NAMPT: variants seen among roughly 807,000 people sequenced by gnomAD.
NAMPT encodes the protein nicotinamide phosphoribosyltransferase, also known as NAmPRTase.
Under a neutral mutation model 58.7 loss-of-function variants are expected in NAMPT, and 7 were observed. The ratio of observed to expected loss-of-function variants is 0.12; its 90% CI spans 0.07 to 0.22. The LOEUF (loss-of-function observed/expected upper bound fraction) is 0.22. Ranked by LOEUF, NAMPT falls within the 10% of genes least tolerant of loss-of-function variation. The pLI is 1.00. For missense variants in NAMPT, 271 were observed against 567.9 expected (o/e 0.48, Z 5.31); for synonymous variants, 145 against 198.1 (o/e 0.73, Z 2.25).
chr7:106,254,572 AG>A, intron 8 of NAMPT, 68 bp from the exon 9 acceptor site: 1 of 1,516,500 alleles, frequency 6.6e-7, no homozygotes. Context: ...ATTATTTTCA[AG>A]GGACAATATT....
At chr7:106,258,628 G>A (rs1037009455) in intron 8 of NAMPT, among the ~76,000 whole-genome samples, 2 of 152,154 alleles carry the variant, frequency 1.3e-5, no homozygotes, top group South Asian at 2.1e-4. Context: ...AGCAAGTCAC[G>A]GGAATTTTTT....
intron 8 of NAMPT, 139 bp from the exon 9 acceptor site, chr7:106,254,643 T>C (rs2115725766): frequency 9.8e-7 from 1 of 1,015,682 alleles, no homozygotes; most frequent in Non-Finnish European, 1.4e-6. Context: ...ATAGCCCGCA[T>C]TTTGTTTTTA....
In NAMPT at chr7:106,257,833, T is replaced by C. The variant is rs143258677; in HGVS notation, c.1090-3329A>G. On this transcript the variant is annotated intron_variant, in intron 8 of 10. Coordinates refer to ENST00000222553, the MANE Select transcript of NAMPT (RefSeq NM_005746.3). ...AAGGTAGGCACAGCAACAGGCAGGC[T>C]AATGGGATTTCTGAAACAGATACAG... 3.5e-3 allele frequency among the ~76,000 whole-genome samples: 532 copies of C among 152,312 alleles called. 4 individuals are homozygous for C. The highest frequency in any genetic ancestry group is 0.012 in the African/African-American group (498 of 41,564).
At chr7:106,285,206 C>A (rs70937090), upstream of NAMPT, 891 of 1,013,454 alleles carry the variant, frequency 8.8e-4, 14 homozygotes, top group East Asian at 0.037. Context: ...CTGCGCAGTG[C>A]GCGGAGGCGG....
intron 6 of NAMPT, among the ~76,000 whole-genome samples, chr7:106,264,164 C>T (rs1792365536): frequency 6.6e-6 from 1 of 151,370 alleles, no homozygotes; most frequent in Admixed American, 6.6e-5. Context: ...AGTCAACTAC[C>T]TGTTATATTT....
chr7:106,267,551 C>T (rs1328742217), intron 6 of NAMPT, among the ~76,000 whole-genome samples: 1 of 151,988 alleles, frequency 6.6e-6, no homozygotes, highest in Non-Finnish European at 1.5e-5. Flanking sequence ...ATTTAAAAAA[C>T]CTGATTTACG....
intron 9 of NAMPT, among the ~76,000 whole-genome samples, 179 bp downstream of exon 9, chr7:106,254,185 G>C (rs534050313): frequency 6.6e-6 from 1 of 151,938 alleles, no homozygotes; most frequent in Non-Finnish European, 1.5e-5. Context: ...TGTCTCCTTA[G>C]GTCTGTTATT....
rs1401078699 is a variant in NAMPT at position 106,253,159 on chromosome 7, C to T, written c.1231-8G>A. The T allele has an allele frequency of 6.2e-7, 1 of 1,609,784 alleles. No individual in the cohort carries two copies. The highest frequency in any genetic ancestry group is 1.3e-5 in the African/African-American group (1 of 74,512). On this transcript the variant is annotated splice_polypyrimidine_tract_variant and splice_region_variant and intron_variant, in intron 9 of 10. Coordinates refer to ENST00000222553, the MANE Select transcript of NAMPT (RefSeq NM_005746.3). ...GTCCTTGAAGACGTTAATCTGAAAT[C>T]CAAATTAAGAAAGTTAGACAAGTAG...
intron 1 of NAMPT, among the ~76,000 whole-genome samples, chr7:106,282,476 G>C (rs1297822087): frequency 6.6e-6 from 1 of 152,186 alleles, no homozygotes; most frequent in Non-Finnish European, 1.5e-5. Context: ...ATAACTAATG[G>C]ATAATGCGGT....
rs189230830 is a variant in NAMPT at position 106,272,769 on chromosome 7, A to T, written c.319-111T>A. 2,476 of 1,175,184 alleles carry T rather than the reference A, an allele frequency of 2.1e-3. 7 individuals carry two copies. Among genetic ancestry groups the T allele is most frequent in the Non-Finnish European group, 2.4e-3 (1,976 of 821,292 alleles). 72.8% of individuals were successfully genotyped at this position (1,175,184 alleles called of 1,614,324 possible). A position where few individuals can be genotyped will look rare whatever the true frequency, so the allele number is the denominator to read the frequency against. ...AGAAGCTAAATTTACTGTCATAGAAATTGCAATTGTAGATGTTACTGTAAT... is the reference window on the plus strand; with the variant it reads ...AGAAGCTAAATTTACTGTCATAGAATTTGCAATTGTAGATGTTACTGTAAT... On this transcript the variant is annotated intron_variant, in intron 3 of 10. Coordinates refer to ENST00000222553, the MANE Select transcript of NAMPT (RefSeq NM_005746.3).
At chr7:106,285,482 C>T (rs1402667183), upstream of NAMPT, 12 of 940,578 alleles carry the variant, frequency 1.3e-5, no homozygotes, top group Non-Finnish European at 1.4e-5. Context: ...CGCCACCCGG[C>T]TAGGGGGCGA....
chr7:106,263,751 G>C, intron 6 of NAMPT, 134 bp from the exon 7 acceptor site: 1 of 716,736 alleles, frequency 1.4e-6, no homozygotes, highest in East Asian at 2.6e-5. Context: ...TTAGTTTAAT[G>C]AATATACATC....
intron 1 of NAMPT, among the ~76,000 whole-genome samples, chr7:106,277,957 TCAAACATTTTAC>T (rs1479696666): frequency 1.3e-5 from 2 of 152,178 alleles, no homozygotes; most frequent in Admixed American, 6.5e-5. Flanking sequence ...GGAAATAAAT[TCAAACATTTTAC>T]CAATAAAAAA....
upstream of NAMPT, chr7:106,285,326 G>A (rs1586032713): frequency 5.9e-6 from 3 of 508,926 alleles, no homozygotes; most frequent in East Asian, 1.3e-4. Flanking sequence ...ACCTAAGTTC[G>A]AGTTCCCGGC....
intron 4 of NAMPT, chr7:106,272,013 C>A: frequency 3.6e-6 from 1 of 277,648 alleles, no homozygotes; most frequent in Non-Finnish European, 7.5e-6. Context: ...CCAAAATGTA[C>A]CCTTCCTGAG....
At chr7:106,266,072 G>C (rs1369054720) in intron 6 of NAMPT, among the ~76,000 whole-genome samples, 1 of 152,206 alleles carries the variant, frequency 6.6e-6, no homozygotes, top group African/African-American at 2.4e-5. Context: ...AGAACAGAGA[G>C]ATAAGTGACT....
intron 4 of NAMPT, chr7:106,270,359 T>C: frequency 3.1e-6 from 1 of 323,810 alleles, no homozygotes; most frequent in Non-Finnish European, 6.8e-6. Flanking sequence ...TTAACTAAAT[T>C]TTACAAAGCA....
chr7:106,252,915 C>T (rs1267709612), intron 10 of NAMPT, 102 bp downstream of exon 10: 24 of 1,380,954 alleles, frequency 1.7e-5, no homozygotes, highest in Non-Finnish European at 2.2e-5. Context: ...AAATATAATA[C>T]TTTGTCTTCC....
chr7:106,273,296 G>A (rs1792573653), intron 3 of NAMPT, among the ~76,000 whole-genome samples: 1 of 152,182 alleles, frequency 6.6e-6, no homozygotes, highest in Non-Finnish European at 1.5e-5. Context: ...AAATTAGGCT[G>A]AAGGTTATTT....
Sources: allele counts gnomAD v4.1 joint callset (sites outside exome capture counted in the v4.1 genomes callset), GRCh38; gene constraint gnomAD v4.1.1; transcripts MANE v1.5; gene names NCBI Gene and HGNC (gene_info 2026-07-23, HGNC 2026-07-21).